Variants in GALNTL5 observed in about 807,000 individuals in gnomAD.
GALNTL5 encodes the protein inactive polypeptide N-acetylgalactosaminyltransferase-like protein 5.
Under a neutral mutation model 51.0 loss-of-function variants are expected in GALNTL5, and 44 were observed. The ratio of observed to expected loss-of-function variants is 0.86; its 90% CI spans 0.68 to 1.11. GALNTL5 has a LOEUF of 1.11. GALNTL5 is among the 50% of genes least tolerant of loss of function. GALNTL5 has a pLI of 0.00. For synonymous variants in GALNTL5, 192 were observed against 182.8 expected (o/e 1.05, Z -0.41); for missense variants, 528 against 531.8 (o/e 0.99, Z 0.07).
chr7:151,976,887 C>T (rs1253397186), intron 3 of GALNTL5, among the ~76,000 whole-genome samples: 2 of 151,996 alleles, frequency 1.3e-5, no homozygotes, highest in Non-Finnish European at 2.9e-5. Context: ...AGGCTGGTCT[C>T]GAACTCCTGA....
intron 5 of GALNTL5, among the ~76,000 whole-genome samples, chr7:152,000,554 C>G (rs1257021315): frequency 6.6e-6 from 1 of 152,174 alleles, no homozygotes; most frequent in Non-Finnish European, 1.5e-5. Flanking sequence ...ACAAGTGTTT[C>G]AATTTCTCCA....
rs202199371 is a variant in GALNTL5 at position 152,015,360 on chromosome 7, CTT to C, written c.1176+583_1176+584del. ...CCTTGCCCCGTCCCCATGTGCAACTCTTTTTTTTTTTTTTTTTGAGACGGAGT... is the reference window on the plus strand; with the variant it reads ...CCTTGCCCCGTCCCCATGTGCAACTCTTTTTTTTTTTTTTTGAGACGGAGT... On this transcript the variant is annotated intron_variant, in intron 8 of 8. Transcript: ENST00000392800. 3.6e-3 allele frequency among the ~76,000 whole-genome samples: 469 copies of C among 132,108 alleles called. 1 individual carries two copies. The highest frequency in any genetic ancestry group is 9.5e-3 in the African/African-American group (328 of 34,522). The allele number at this position is 132,108 out of a possible 152,430, so 86.7% of individuals were successfully genotyped here. A position where few individuals can be genotyped will look rare whatever the true frequency, so the allele number is the denominator to read the frequency against.
intron 7 of GALNTL5, among the ~76,000 whole-genome samples, chr7:152,011,314 C>T (rs951954667): frequency 6.6e-6 from 1 of 152,236 alleles, no homozygotes; most frequent in African/African-American, 2.4e-5. Flanking sequence ...TTCGTGGATG[C>T]CCACAAAGCT....
chr7:152,009,694 C>T (rs1194886154), intron 7 of GALNTL5, among the ~76,000 whole-genome samples: 1 of 152,172 alleles, frequency 6.6e-6, no homozygotes, highest in African/African-American at 2.4e-5. Flanking sequence ...AACCAAATAC[C>T]TTCCACCTGC....
chr7:152,006,443 G>C (rs900620869), intron 6 of GALNTL5, among the ~76,000 whole-genome samples: 4 of 152,208 alleles, frequency 2.6e-5, no homozygotes, highest in African/African-American at 9.7e-5. Flanking sequence ...AGCATGACTG[G>C]ATTCTGATAG....
rs546021286 is a variant in GALNTL5, at chr7:152,016,241, C to T, written c.1176+1448C>T. Among the ~76,000 whole-genome samples the T allele has an allele frequency of 1.8e-4, 28 of 152,114 alleles. No individual in the cohort carries two copies. The South Asian group carries it at 5.6e-3, about 30-fold the overall frequency. ...CCAACATGGAGAAACGCCATCTCTA[C>T]TAAAAATACAAAATTAGCCGGGCAT... On this transcript the variant is annotated intron_variant, in intron 8 of 8. Transcript: ENST00000392800.
rs765230716 is a variant in GALNTL5, at chr7:151,987,313, A to G, written c.658+32A>G. 7.3e-5 allele frequency: 112 copies of G among 1,532,788 alleles called. No homozygotes were observed. The South Asian group carries it at 9.3e-4, about 13-fold the overall frequency. The allele number at this position is 1,532,788 out of a possible 1,614,324, so 94.9% of individuals were successfully genotyped here. A position where few individuals can be genotyped will look rare whatever the true frequency, so the allele number is the denominator to read the frequency against. On this transcript the variant is annotated intron_variant, in intron 5 of 8. Transcript: ENST00000392800. ...ACATTCCTGGGGACAAGAGCCAGTGACGGCGTCACAGAGATCTTCCCTTCT... is the reference window on the plus strand; with the variant it reads ...ACATTCCTGGGGACAAGAGCCAGTGGCGGCGTCACAGAGATCTTCCCTTCT...
At chr7:152,013,740 A>G (rs1020397199) in intron 7 of GALNTL5, among the ~76,000 whole-genome samples, 37 of 152,180 alleles carry the variant, frequency 2.4e-4, no homozygotes, top group African/African-American at 8.7e-4. Context: ...ACAACATCAA[A>G]TGAAAAAAAA....
At chr7:151,980,736 G>GTTTT (rs2081268257) in intron 3 of GALNTL5, among the ~76,000 whole-genome samples, 1 of 86,586 alleles carries the variant, frequency 1.2e-5, no homozygotes, top group Admixed American at 1.7e-4. Flanking sequence ...TGCTAACAAT[G>GTTTT]ATTTTTTTTT....
chr7:151,981,031 C>T (rs551697500), intron 3 of GALNTL5, among the ~76,000 whole-genome samples: 2 of 152,208 alleles, frequency 1.3e-5, no homozygotes, highest in South Asian at 4.1e-4. Flanking sequence ...AGGCTTGAGC[C>T]ACCGCGCCCG....
intron 7 of GALNTL5, among the ~76,000 whole-genome samples, chr7:152,011,504 T>A (rs2081738094): frequency 6.6e-6 from 1 of 152,376 alleles, no homozygotes; most frequent in East Asian, 1.9e-4. Flanking sequence ...CAAGGTGTGC[T>A]GCTCCAGGAA....
At chr7:151,956,861 A>G (rs963988158) in intron 1 of GALNTL5, among the ~76,000 whole-genome samples, 1 of 152,148 alleles carries the variant, frequency 6.6e-6, no homozygotes, top group Non-Finnish European at 1.5e-5. Flanking sequence ...ACTTTTCATT[A>G]CATGTGTCTT....
intron 4 of GALNTL5, among the ~76,000 whole-genome samples, chr7:151,985,591 A>C (rs1260444194): frequency 6.6e-6 from 1 of 152,170 alleles, no homozygotes. Flanking sequence ...GCTCCCACTG[A>C]GCTACACAAA....
At chr7:151,972,639 A>G (rs969060397) in intron 3 of GALNTL5, among the ~76,000 whole-genome samples, 3 of 152,178 alleles carry the variant, frequency 2.0e-5, no homozygotes, top group Non-Finnish European at 4.4e-5. Context: ...AGCTCCAGCC[A>G]TGGCCAAAAG....
At chr7:151,965,659 G>T (rs1241567111) in intron 1 of GALNTL5, among the ~76,000 whole-genome samples, 1 of 152,084 alleles carries the variant, frequency 6.6e-6, no homozygotes, top group Admixed American at 6.6e-5. Context: ...CGGCAGAATT[G>T]CTTGAGCCCA....
At chr7:151,975,844 A>C (rs1472641870) in intron 3 of GALNTL5, among the ~76,000 whole-genome samples, 1 of 152,028 alleles carries the variant, frequency 6.6e-6, no homozygotes, top group African/African-American at 2.4e-5. Context: ...GTTGGTTAGG[A>C]ACATGTTGTT....
At chr7:151,995,400 C>T (rs111521668) in intron 5 of GALNTL5, 136 of 93,656 alleles carry the variant, frequency 1.5e-3, no homozygotes, top group African/African-American at 5.5e-3. Flanking sequence ...TGCATGGGAG[C>T]GGAAGTGTCA....
intron 8 of GALNTL5, among the ~76,000 whole-genome samples, chr7:152,017,420 CG>C (rs2081833492): frequency 6.6e-6 from 1 of 152,212 alleles, no homozygotes; most frequent in Non-Finnish European, 1.5e-5. Context: ...AACTTCATCA[CG>C]TGGTACATGA....
At chr7:151,976,708 G>A (rs571619082) in intron 3 of GALNTL5, among the ~76,000 whole-genome samples, 8 of 151,914 alleles carry the variant, frequency 5.3e-5, no homozygotes, top group Non-Finnish European at 7.4e-5. Flanking sequence ...TCGCTCTGTC[G>A]CCTGGGCTGG....
Sources: gnomAD v4.1 joint callset for allele counts (sites outside exome capture counted in the v4.1 genomes callset) on GRCh38, gnomAD v4.1.1 for gene constraint, MANE v1.5 for transcripts, NCBI Gene and HGNC (gene_info 2026-07-23, HGNC 2026-07-21) for gene names.